The following STK31 variants were observed in gnomAD, a reference collection of about 807,000 sequenced individuals.
The protein encoded by STK31 is serine/threonine kinase 31.
A neutral mutation model predicts 129.7 loss-of-function variants in STK31; 89 were observed. The ratio of observed to expected loss-of-function variants is 0.69; its 90% CI spans 0.58 to 0.82. The LOEUF is 0.82. Among genes scored for constraint, STK31 ranks in the 40% least tolerant of loss-of-function variants. STK31 has a pLI of 0.00. For synonymous variants in STK31, 448 were observed against 395.3 expected (o/e 1.13, Z -1.58); for missense variants, 1,187 against 1,176.4 (o/e 1.01, Z -0.13).
In STK31 at chr7:23,736,889, A is replaced by G. The variant is rs771021917; in HGVS notation, c.843-15A>G. On this transcript the variant is annotated splice_polypyrimidine_tract_variant and intron_variant, in intron 7 of 23. Coordinates refer to ENST00000355870, the MANE Select transcript of STK31 (RefSeq NM_031414.5). Reference sequence around the variant, plus strand: ...TACAGTTTGTTTGTCAAAATAAATGAATTTGTTTTTATAGGGAAAGTTTGG... The same window carrying G: ...TACAGTTTGTTTGTCAAAATAAATGGATTTGTTTTTATAGGGAAAGTTTGG... 1.3e-6 allele frequency: 2 copies of G among 1,587,842 alleles called. No homozygotes were observed. The highest frequency in any genetic ancestry group is 2.3e-5 in the South Asian group (2 of 85,904).
chr7:23,830,106 C>A (rs550730825), intron 23 of STK31, among the ~76,000 whole-genome samples: 1 of 152,118 alleles, frequency 6.6e-6, no homozygotes, highest in Non-Finnish European at 1.5e-5. Context: ...CCCGCCACAA[C>A]GCCTAGCTAA....
At chr7:23,753,137 G>A (rs1374903496) in intron 9 of STK31, among the ~76,000 whole-genome samples, 1 of 152,048 alleles carries the variant, frequency 6.6e-6, no homozygotes, top group East Asian at 1.9e-4. Context: ...TTTTGCTTGG[G>A]GTTATTTTCA....
At chr7:23,714,271 C>T (rs1786162875) in intron 3 of STK31, among the ~76,000 whole-genome samples, 1 of 152,224 alleles carries the variant, frequency 6.6e-6, no homozygotes, top group Non-Finnish European at 1.5e-5. Flanking sequence ...CTAAAGGTTG[C>T]TCACACGTTC....
In STK31 at chr7:23,797,833, T is replaced by C. The variant is rs141346183; in HGVS notation, c.2760+6887T>C. Among the ~76,000 whole-genome samples, 741 of 152,258 alleles carry C rather than the reference T, an allele frequency of 4.9e-3. 6 individuals are homozygous for C. Among genetic ancestry groups the C allele is most frequent in the African/African-American group, 0.017 (693 of 41,544 alleles). On this transcript the variant is annotated intron_variant, in intron 22 of 23. Transcript: ENST00000355870. Reference sequence around the variant, plus strand: ...TCAATGAATCCAGGAGCTGGTTTCTTGAAAAGATTAACAAAATAGATAGAC... The same window carrying C: ...TCAATGAATCCAGGAGCTGGTTTCTCGAAAAGATTAACAAAATAGATAGAC...
intron 15 of STK31, among the ~76,000 whole-genome samples, chr7:23,775,656 T>A (rs1184112571): frequency 6.6e-6 from 1 of 152,218 alleles, no homozygotes; most frequent in African/African-American, 2.4e-5. Flanking sequence ...ATAGGAATGC[T>A]TGTGATTTTT....
chr7:23,815,355 GC>G, intron 23 of STK31, 143 bp downstream of exon 23: 1 of 562,248 alleles, frequency 1.8e-6, no homozygotes, highest in Non-Finnish European at 3.0e-6. Flanking sequence ...AAATTCAGGT[GC>G]CCTACTTAAC....
At chr7:23,783,695 C>CT in intron 17 of STK31, 32 bp downstream of exon 17, 1 of 1,515,302 alleles carries the variant, frequency 6.6e-7, no homozygotes, top group Middle Eastern at 1.7e-4. Context: ...AATTACTACT[C>CT]TTCAGAGGGT....
chr7:23,825,305 C>T (rs1311812714), intron 23 of STK31, among the ~76,000 whole-genome samples: 1 of 152,212 alleles, frequency 6.6e-6, no homozygotes, highest in African/African-American at 2.4e-5. Flanking sequence ...AGAGATTCAA[C>T]TTCTTCCTGG....
intron 15 of STK31, among the ~76,000 whole-genome samples, chr7:23,773,752 TG>T (rs1790351582): frequency 6.8e-6 from 1 of 147,796 alleles, no homozygotes; most frequent in African/African-American, 2.6e-5. Context: ...TGTGTGTGTG[TG>T]TGTATTTGTA....
chr7:23,775,509 C>T (rs1235414153), intron 15 of STK31, among the ~76,000 whole-genome samples: 1 of 152,104 alleles, frequency 6.6e-6, no homozygotes, highest in Non-Finnish European at 1.5e-5. Flanking sequence ...TTTCGTTGAG[C>T]AGTGGTTTGT....
intron 8 of STK31, among the ~76,000 whole-genome samples, chr7:23,741,344 G>A (rs962224072): frequency 1.3e-5 from 2 of 152,062 alleles, no homozygotes; most frequent in Non-Finnish European, 2.9e-5. Flanking sequence ...TTTGCTTCTA[G>A]GTTATAGAAT....
intron 23 of STK31, among the ~76,000 whole-genome samples, chr7:23,828,530 C>G (rs1794327736): frequency 6.6e-6 from 1 of 152,236 alleles, no homozygotes; most frequent in Non-Finnish European, 1.5e-5. Flanking sequence ...TTCCCTGACC[C>G]CTTGCGCTTC....
At chr7:23,826,494 C>T (rs1584509586) in intron 23 of STK31, among the ~76,000 whole-genome samples, 1 of 152,146 alleles carries the variant, frequency 6.6e-6, no homozygotes, top group African/African-American at 2.4e-5. Context: ...ATGTGTGTCT[C>T]TGCACGTGAG....
intron 13 of STK31, among the ~76,000 whole-genome samples, chr7:23,770,041 CTT>C (rs1554291158): frequency 6.6e-6 from 1 of 152,136 alleles, no homozygotes; most frequent in Non-Finnish European, 1.5e-5. Flanking sequence ...AGTGGACAAT[CTT>C]GTCTATATTT....
chr7:23,822,260 C>T (rs1035354145), intron 23 of STK31, among the ~76,000 whole-genome samples: 5 of 152,104 alleles, frequency 3.3e-5, no homozygotes, highest in African/African-American at 1.2e-4. Context: ...ATCTTCTGAT[C>T]CAGGAGCATG....
At chr7:23,769,406 G>A (rs1790041480) in intron 12 of STK31, among the ~76,000 whole-genome samples, 1 of 151,978 alleles carries the variant, frequency 6.6e-6, no homozygotes, top group South Asian at 2.1e-4. Flanking sequence ...TTTTCCTAAG[G>A]ATTGTCCTCT....
At chr7:23,819,295 ATGTC>A (rs889040660) in intron 23 of STK31, among the ~76,000 whole-genome samples, 12 of 152,228 alleles carry the variant, frequency 7.9e-5, no homozygotes, top group Middle Eastern at 3.2e-3. Context: ...TATTTACTGA[ATGTC>A]TGCTATATTC....
intron 8 of STK31, among the ~76,000 whole-genome samples, chr7:23,742,007 A>G (rs7779336): frequency 0.25 from 38,400 of 152,164 alleles, 5,192 homozygotes; most frequent in East Asian, 0.39. Context: ...AGCATGGGCA[A>G]AAAGCTGTGG....
At chr7:23,824,693 C>T (rs1255495269) in intron 23 of STK31, among the ~76,000 whole-genome samples, 1 of 152,154 alleles carries the variant, frequency 6.6e-6, no homozygotes, top group African/African-American at 2.4e-5. Context: ...AAAGGGAATG[C>T]TTCCAGTTTT....
Sources: gnomAD v4.1 joint callset for allele counts (sites outside exome capture counted in the v4.1 genomes callset) on GRCh38, gnomAD v4.1.1 for gene constraint, MANE v1.5 for transcripts, NCBI Gene and HGNC (gene_info 2026-07-23, HGNC 2026-07-21) for gene names.